UBE2D3: variants seen among roughly 807,000 people sequenced by gnomAD.
UBE2D3 encodes ubiquitin-conjugating enzyme E2 D3.
UBE2D3 carries 2 observed loss-of-function variants against 22.8 expected under a neutral mutation model. The observed-to-expected ratio is 0.09, with a 90% CI of 0.04 to 0.28. The LOEUF is 0.28. UBE2D3 is among the 10% of genes least tolerant of loss of function. The probability of loss-of-function intolerance (pLI) is 1.00; values close to 1 mark genes in which losing one functional copy is unlikely to be tolerated. For synonymous variants in UBE2D3, 56 were observed against 60.4 expected, an observed-to-expected ratio of 0.93 and a Z score of 0.34; for missense variants, 27 against 182.5, an observed-to-expected ratio of 0.15 and a Z score of 4.91.
intron 2 of UBE2D3, among the ~76,000 whole-genome samples, chr4:102,824,532 G>A (rs1377959410): frequency 6.6e-6 from 1 of 152,160 alleles, no homozygotes; most frequent in Non-Finnish European, 1.5e-5. Context: ...TTCTTATAGA[G>A]GCACATAAAC....
intron 4 of UBE2D3, among the ~76,000 whole-genome samples, chr4:102,804,115 CT>C (rs1406339119): frequency 2.0e-5 from 3 of 150,224 alleles, no homozygotes; most frequent in African/African-American, 2.4e-5. Context: ...AGTCTTCCCC[CT>C]TTTTTTTTGT....
chr4:102,798,852 C>T, intron 7 of UBE2D3: 1 of 1,355,668 alleles, frequency 7.4e-7, no homozygotes, highest in Non-Finnish European at 1.0e-6. Context: ...TTAGTTAATA[C>T]AGTGCCTTAA....
At chr4:102,815,389 T>C (rs1252033117) in intron 2 of UBE2D3, among the ~76,000 whole-genome samples, 2 of 152,142 alleles carry the variant, frequency 1.3e-5, no homozygotes, top group Non-Finnish European at 2.9e-5. Context: ...AAAATCAATG[T>C]AATCATGGTT....
upstream of UBE2D3, among the ~76,000 whole-genome samples, chr4:102,828,778 C>T (rs1730935913): frequency 6.6e-6 from 1 of 152,086 alleles, no homozygotes; most frequent in Non-Finnish European, 1.5e-5. Context: ...TAGGATTGGC[C>T]TGTTTTAGTC....
intron 1 of UBE2D3, chr4:102,827,140 A>C: frequency 1.0e-6 from 1 of 986,632 alleles, no homozygotes; most frequent in Non-Finnish European, 1.2e-6. Flanking sequence ...CCCTGACGCC[A>C]CCGTACACTC....
chr4:102,830,012 C>A (rs985181051), upstream of UBE2D3, among the ~76,000 whole-genome samples: 1 of 152,176 alleles, frequency 6.6e-6, no homozygotes, highest in Admixed American at 6.5e-5. Flanking sequence ...ATCACAAACT[C>A]ATTATTGTTA....
upstream of UBE2D3, among the ~76,000 whole-genome samples, chr4:102,830,102 T>A (rs980098721): frequency 2.0e-5 from 3 of 152,224 alleles, no homozygotes; most frequent in Non-Finnish European, 4.4e-5. Flanking sequence ...ACATTTCTGC[T>A]TATATTTTGC....
chr4:102,856,258 C>T (rs780493098), intron 1 of UBE2D3, among the ~76,000 whole-genome samples: 18 of 152,140 alleles, frequency 1.2e-4, no homozygotes, highest in Non-Finnish European at 2.2e-4. Flanking sequence ...CCCAGCTACT[C>T]GGAAGGCTGA....
chr4:102,836,387 T>A (rs1299121932), intron 1 of UBE2D3, among the ~76,000 whole-genome samples: 2 of 152,132 alleles, frequency 1.3e-5, no homozygotes, highest in African/African-American at 2.4e-5. Context: ...CCTCAGGTGA[T>A]CCACTCAGCT....
chr4:102,818,101 A>G (rs1002117565), intron 2 of UBE2D3, among the ~76,000 whole-genome samples: 2 of 152,196 alleles, frequency 1.3e-5, no homozygotes, highest in Non-Finnish European at 2.9e-5. Context: ...GGGGAACAGC[A>G]TTACTCAACT....
chr4:102,859,368 A>G lies in UBE2D3; in HGVS notation c.-129+9347T>C, dbSNP rs567698398. On this transcript the variant is annotated intron_variant, in intron 1 of 7. Transcript: ENST00000338145. Reference sequence around the variant, plus strand: ...ATTAACTTTTGAAAATTTGATCATAATGTGTCTCAGTGAAAAAATTTTCAT... The same window carrying G: ...ATTAACTTTTGAAAATTTGATCATAGTGTGTCTCAGTGAAAAAATTTTCAT... Among the ~76,000 whole-genome samples the G allele has an allele frequency of 1.1e-4, 17 of 152,038 alleles. No homozygotes were observed. The South Asian group carries it at 3.1e-3, about 28-fold the overall frequency.
chr4:102,806,165 T>C (rs183718660), intron 4 of UBE2D3, among the ~76,000 whole-genome samples: 1 of 152,170 alleles, frequency 6.6e-6, no homozygotes. Context: ...GTACATACGG[T>C]GCTTTATGAT....
rs533774952 is a variant in UBE2D3, at chr4:102,847,324, C to T, written c.-128-20688G>A. 7.9e-5 allele frequency among the ~76,000 whole-genome samples: 12 copies of T among 152,246 alleles called. No individual in the cohort carries two copies. The East Asian group carries it at 1.7e-3, about 22-fold the overall frequency. ...TGTTTATGATAGTGTCTCACTCCGT[C>T]GCCCAGGCTGGAGTGCAGTTGTGCA... is the stretch of plus-strand genomic sequence containing the variant. On this transcript the variant is annotated intron_variant, in intron 1 of 7. Transcript: ENST00000338145.
At chr4:102,865,804 T>C (rs1308481603) in intron 1 of UBE2D3, among the ~76,000 whole-genome samples, 4 of 152,200 alleles carry the variant, frequency 2.6e-5, no homozygotes, top group African/African-American at 7.2e-5. Context: ...ATAAAAGTCT[T>C]GGGCCTAGCT....
In UBE2D3 at chr4:102,865,897, T is replaced by C. The variant is rs181077644; in HGVS notation, c.-129+2818A>G. ...CTTTAACTGTATTTACATATTTATC[T>C]TGAGTTTTCTGACCACAGTTTCTTT... On this transcript the variant is annotated intron_variant, in intron 1 of 7. Coordinates refer to the UBE2D3 transcript ENST00000338145. Among the ~76,000 whole-genome samples, 7 of 152,342 alleles carry C rather than the reference T, an allele frequency of 4.6e-5. No individual in the cohort carries two copies. The East Asian group carries it at 1.2e-3, about 25-fold the overall frequency.
At chr4:102,839,523 T>A (rs1199695274) in intron 1 of UBE2D3, among the ~76,000 whole-genome samples, 1 of 152,234 alleles carries the variant, frequency 6.6e-6, no homozygotes, top group Non-Finnish European at 1.5e-5. Flanking sequence ...CCTGCCCGCC[T>A]CGGCTTCCCA....
At chr4:102,837,262 T>C (rs1578282690) in intron 1 of UBE2D3, among the ~76,000 whole-genome samples, 1 of 152,348 alleles carries the variant, frequency 6.6e-6, no homozygotes, top group East Asian at 1.9e-4. Context: ...GCAGGCTGAT[T>C]GTTAAACACA....
intron 2 of UBE2D3, among the ~76,000 whole-genome samples, chr4:102,820,146 G>A (rs1380672442): frequency 6.6e-6 from 1 of 152,152 alleles, no homozygotes; most frequent in Non-Finnish European, 1.5e-5. Context: ...AACAATAGAG[G>A]TCGAAGTGCA....
At chr4:102,825,488 A>C in intron 2 of UBE2D3, 2 of 1,155,998 alleles carry the variant, frequency 1.7e-6, no homozygotes, top group Non-Finnish European at 2.2e-6. Context: ...ATTATTACGA[A>C]AGGAGATGCC....
Sources: allele counts gnomAD v4.1 joint callset (sites outside exome capture counted in the v4.1 genomes callset), GRCh38; gene constraint gnomAD v4.1.1; transcripts MANE v1.5; gene names NCBI Gene and HGNC (gene_info 2026-07-23, HGNC 2026-07-21).